The following SHISA6 variants were observed in gnomAD, a reference collection of about 807,000 sequenced individuals.
The protein encoded by SHISA6 is protein shisa-6.
Under a neutral mutation model 47.9 loss-of-function variants are expected in SHISA6, and 22 were observed. The ratio of observed to expected loss-of-function variants is 0.46; its 90% CI spans 0.33 to 0.66. The LOEUF (loss-of-function observed/expected upper bound fraction) is 0.66. Ranked by LOEUF, SHISA6 falls within the 30% of genes least tolerant of loss-of-function variation. SHISA6 has a pLI of 0.02. For synonymous variants in SHISA6, 388 were observed against 337.8 expected, an observed-to-expected ratio of 1.15 and a Z score of -1.63; for missense variants, 680 against 764.6, an observed-to-expected ratio of 0.89 and a Z score of 1.30.
chr17:11,324,481 C>T (rs754756325), intron 2 of SHISA6, among the ~76,000 whole-genome samples: 8 of 152,120 alleles, frequency 5.3e-5, no homozygotes, highest in Non-Finnish European at 1.2e-4. Context: ...TCGTGGACCT[C>T]ATGGGAAATG....
intron 1 of SHISA6, among the ~76,000 whole-genome samples, chr17:11,260,562 G>T (rs905727045): frequency 1.3e-5 from 2 of 151,684 alleles, no homozygotes; most frequent in African/African-American, 4.8e-5. Flanking sequence ...TTTTATCTCT[G>T]GATTTCCCTT....
chr17:11,530,197 C>T (rs964346605), intron 3 of SHISA6, among the ~76,000 whole-genome samples: 22 of 152,014 alleles, frequency 1.4e-4, no homozygotes, highest in Admixed American at 8.5e-4. Context: ...CTGCCTGTTA[C>T]GAGCCTTATT....
intron 3 of SHISA6, among the ~76,000 whole-genome samples, chr17:11,434,662 TTACA>T (rs1567605149): frequency 6.6e-6 from 1 of 152,216 alleles, no homozygotes; most frequent in Non-Finnish European, 1.5e-5. Context: ...CAAGAGAGAC[TTACA>T]TAAGACATAT....
intron 3 of SHISA6, among the ~76,000 whole-genome samples, chr17:11,497,705 C>T (rs1055446763): frequency 1.3e-5 from 2 of 152,228 alleles, no homozygotes; most frequent in Non-Finnish European, 2.9e-5. Context: ...GCTTCTCACT[C>T]CTCATAAGAT....
rs139388009 is a variant in SHISA6, at chr17:11,277,241, T to TTCTC, written c.799+13752_799+13755dup. On this transcript the variant is annotated intron_variant, in intron 2 of 5. Transcript: ENST00000441885. ...CTCCCTCCCCATCCCCGGTTTCTCT[T>TTCTC]TCTCTCTCTCTCTCTCTCTCTCTCT... Among the ~76,000 whole-genome samples the TTCTC allele has an allele frequency of 5.3e-3, 412 of 78,110 alleles. 6 individuals are homozygous for TTCTC. The highest frequency in any genetic ancestry group is 0.015 in the African/African-American group (249 of 17,116). The allele number at this position is 78,110 out of a possible 152,430, so 51.2% of individuals were successfully genotyped here. A position where few individuals can be genotyped will look rare whatever the true frequency, so the allele number is the denominator to read the frequency against.
chr17:11,517,551 G>A (rs1251530456), intron 3 of SHISA6, among the ~76,000 whole-genome samples: 1 of 152,148 alleles, frequency 6.6e-6, no homozygotes, highest in Non-Finnish European at 1.5e-5. Context: ...CACCCAGGCT[G>A]GAGTGCAGTG....
chr17:11,252,535 C>T (rs1907854407), intron 1 of SHISA6, among the ~76,000 whole-genome samples: 1 of 152,132 alleles, frequency 6.6e-6, no homozygotes, highest in African/African-American at 2.4e-5. Flanking sequence ...CTGAGAGTCC[C>T]TTCAAGAGCC....
Position 11,449,508 on chromosome 17 carries a change from C to T in SHISA6, c.895+69999C>T, listed in dbSNP as rs548002330. 7.3e-5 allele frequency among the ~76,000 whole-genome samples: 11 copies of T among 151,606 alleles called. No individual in the cohort carries two copies. In the East Asian group the frequency reaches 1.2e-3, roughly 16 times the overall value. ...GGCTTGGAAGACTTAGAGAGATGAG[C>T]GAGACACTGAAGGAATGAATGATGC... is the stretch of plus-strand genomic sequence containing the variant. On this transcript the variant is annotated intron_variant, in intron 3 of 5. Coordinates refer to ENST00000441885, the MANE Select transcript of SHISA6 (RefSeq NM_207386.4).
rs189427440 is a variant in SHISA6, at chr17:11,394,533, T to C, written c.895+15024T>C. Among the ~76,000 whole-genome samples, 116 of 152,300 alleles carry C rather than the reference T, an allele frequency of 7.6e-4. 1 individual carries two copies. Among genetic ancestry groups the C allele is most frequent in the Non-Finnish European group, 9.1e-4 (62 of 68,024 alleles). On this transcript the variant is annotated intron_variant, in intron 3 of 5. Coordinates refer to ENST00000441885, the MANE Select transcript of SHISA6 (RefSeq NM_207386.4). Reference sequence around the variant, plus strand: ...AACACAAAAGTCTGCATATTGCCTTTTTCAGCTTAATATTCCTTGTAGATC... The same window carrying C: ...AACACAAAAGTCTGCATATTGCCTTCTTCAGCTTAATATTCCTTGTAGATC...
At chr17:11,367,695 C>T (rs570728020) in intron 2 of SHISA6, among the ~76,000 whole-genome samples, 8 of 152,178 alleles carry the variant, frequency 5.3e-5, no homozygotes, top group Non-Finnish European at 8.8e-5. Context: ...TCACCACTGG[C>T]GGTTTTGCTG....
At chr17:11,473,178 G>A (rs917923440) in intron 3 of SHISA6, among the ~76,000 whole-genome samples, 1 of 152,076 alleles carries the variant, frequency 6.6e-6, no homozygotes, top group Non-Finnish European at 1.5e-5. Flanking sequence ...AGCCCAGCTT[G>A]TCAATTATTT....
chr17:11,252,039 C>T (rs1431808048), intron 1 of SHISA6, among the ~76,000 whole-genome samples: 2 of 152,286 alleles, frequency 1.3e-5, no homozygotes, highest in South Asian at 2.1e-4. Context: ...AGGAACCCAG[C>T]GTTCCCGCTC....
intron 2 of SHISA6, among the ~76,000 whole-genome samples, chr17:11,277,694 A>C (rs376732686): frequency 1.3e-5 from 2 of 152,204 alleles, no homozygotes; most frequent in East Asian, 3.9e-4. Context: ...CAGTTCAGGG[A>C]TTCAGGGAGA....
At chr17:11,384,508 A>C (rs541752810) in intron 3 of SHISA6, among the ~76,000 whole-genome samples, 243 of 152,352 alleles carry the variant, frequency 1.6e-3, no homozygotes, top group Middle Eastern at 3.4e-3. Context: ...TTTGGTTAAA[A>C]ACTCAGTCCG....
chr17:11,403,241 A>G (rs1398529031), intron 3 of SHISA6, among the ~76,000 whole-genome samples: 1 of 152,236 alleles, frequency 6.6e-6, no homozygotes, highest in Non-Finnish European at 1.5e-5. Context: ...AATTGCTCTC[A>G]AGACTCAGAT....
chr17:11,336,667 C>T (rs1393109830), intron 2 of SHISA6, among the ~76,000 whole-genome samples: 1 of 152,174 alleles, frequency 6.6e-6, no homozygotes, highest in East Asian at 1.9e-4. Flanking sequence ...AGTGATTGGA[C>T]AGAAACTGAG....
chr17:11,494,153 C>G (rs2071389250), intron 3 of SHISA6, among the ~76,000 whole-genome samples: 1 of 152,114 alleles, frequency 6.6e-6, no homozygotes. Flanking sequence ...GGACTTATCT[C>G]AGGCAGAGCC....
chr17:11,282,012 A>G (rs1008475824), intron 2 of SHISA6, among the ~76,000 whole-genome samples: 1 of 152,182 alleles, frequency 6.6e-6, no homozygotes, highest in African/African-American at 2.4e-5. Flanking sequence ...GAGCAATTTC[A>G]ATCTTTGCTT....
At chr17:11,524,621 C>T (rs566497649) in intron 3 of SHISA6, among the ~76,000 whole-genome samples, 14 of 151,926 alleles carry the variant, frequency 9.2e-5, no homozygotes, top group South Asian at 2.1e-4. Flanking sequence ...CTCAGCCTCC[C>T]GAGGAGCTGG....
Sources: gnomAD v4.1 joint callset for allele counts (sites outside exome capture counted in the v4.1 genomes callset) on GRCh38, gnomAD v4.1.1 for gene constraint, MANE v1.5 for transcripts, NCBI Gene and HGNC (gene_info 2026-07-23, HGNC 2026-07-21) for gene names.